BCL11A: variants seen among roughly 807,000 people sequenced by gnomAD.
The protein encoded by BCL11A is BCL11 transcription factor A, also known as B cell CLL/lymphoma 11A.
In BCL11A, 2 loss-of-function variants were observed where a neutral mutation model predicts 55.9. The observed-to-expected ratio is 0.04, with a 90% CI of 0.01 to 0.11. The LOEUF (loss-of-function observed/expected upper bound fraction) is 0.11. Ranked by LOEUF, BCL11A falls within the 10% of genes least tolerant of loss-of-function variation. The pLI is 1.00. For missense variants in BCL11A, 817 were observed against 1,137.1 expected, an observed-to-expected ratio of 0.72 and a Z score of 4.05; for synonymous variants, 465 against 473.4, an observed-to-expected ratio of 0.98 and a Z score of 0.23.
chr2:60,489,449 G>A (rs368295709), intron 2 of BCL11A, among the ~76,000 whole-genome samples: 7 of 152,194 alleles, frequency 4.6e-5, no homozygotes, highest in Non-Finnish European at 8.8e-5. Flanking sequence ...GTAAACACAC[G>A]GCGGCCCTGC....
exon 5 of BCL11A, chr2:60,451,176 A>G (rs976203095): frequency 3.6e-5 from 7 of 197,146 alleles, no homozygotes; most frequent in Non-Finnish European, 6.3e-5. Flanking sequence ...GTAGACAGTC[A>G]TTATTTATTA....
At chr2:60,487,771 C>T (rs1678366708) in intron 2 of BCL11A, among the ~76,000 whole-genome samples, 1 of 152,150 alleles carries the variant, frequency 6.6e-6, no homozygotes, top group South Asian at 2.1e-4. Flanking sequence ...TCTCATCAAC[C>T]ATTCTATCTA....
At chr2:60,540,943 G>A (rs1425103754) in intron 2 of BCL11A, among the ~76,000 whole-genome samples, 1 of 101,398 alleles carries the variant, frequency 9.9e-6, no homozygotes, top group East Asian at 3.8e-4. Flanking sequence ...TACAGCACTG[G>A]TTTTGTGTGT....
intron 2 of BCL11A, among the ~76,000 whole-genome samples, chr2:60,477,600 T>TGAAAGAAAGAAAG (rs1553407506): frequency 9.3e-4 from 140 of 150,668 alleles, no homozygotes; most frequent in Middle Eastern, 6.9e-3. Flanking sequence ...TAGAGTAAAA[T>TGAAAGAAAGAAAG]AAATAAAGAA....
chr2:60,472,816 T>C (rs533014745), intron 2 of BCL11A, among the ~76,000 whole-genome samples: 1 of 152,374 alleles, frequency 6.6e-6, no homozygotes, highest in Non-Finnish European at 1.5e-5. Context: ...TACTGTCTAC[T>C]AATCAACAGG....
chr2:60,498,623 T>C (rs1318055091), intron 2 of BCL11A, among the ~76,000 whole-genome samples: 1 of 152,224 alleles, frequency 6.6e-6, no homozygotes, highest in Non-Finnish European at 1.5e-5. Flanking sequence ...ATAGGCTTAG[T>C]GTGCTGGGCA....
chr2:60,528,849 G>A (rs1196688398), intron 2 of BCL11A, among the ~76,000 whole-genome samples: 1 of 152,228 alleles, frequency 6.6e-6, no homozygotes, highest in Non-Finnish European at 1.5e-5. Flanking sequence ...AGCCCCCGGA[G>A]CGAGTAATGT....
Position 60,458,884 on chromosome 2 carries a change from A to G in BCL11A, c.*1520T>C, listed in dbSNP as rs1390265478. 9.7e-7 allele frequency: 1 copy of G among 1,030,406 alleles called. No homozygotes were observed. The highest frequency in any genetic ancestry group is 6.0e-5 in the East Asian group (1 of 16,596). 63.8% of individuals were successfully genotyped at this position (1,030,406 alleles called of 1,614,324 possible). On this transcript the variant is annotated 3_prime_UTR_variant, in exon 4 of 4. Transcript: ENST00000642384. ...GAAAAAATTAAAAAAATAAAAATAA[A>G]AACAATGAATCCTCTTCCATGTTAA... is the stretch of plus-strand genomic sequence containing the variant.
At position 60,461,888 on chromosome 2, in the gene BCL11A, A is replaced by G; in HGVS notation, c.1024T>C (p.Leu342=). Residue 342 remains leucine, a synonymous_variant, in exon 4 of 4, where the codon TTA becomes CTA. Transcript: ENST00000642384. ...CTACCTGGCTGGAATGGTTGCAGTA[A>G]CCTTTGCATAGGGCTGGGCCGGCCT... is the stretch of plus-strand genomic sequence containing the variant. The part of the protein sequence containing the change: ...SPGRPSPMQR[L]LQPFQPGSKP... The G allele has an allele frequency of 1.2e-6, 2 of 1,614,006 alleles. No homozygotes were observed. The highest frequency in any genetic ancestry group is 2.2e-5 in the South Asian group (2 of 91,086).
At chr2:60,476,186 G>T (rs1020897359) in intron 2 of BCL11A, among the ~76,000 whole-genome samples, 1 of 152,156 alleles carries the variant, frequency 6.6e-6, no homozygotes, top group Non-Finnish European at 1.5e-5. Flanking sequence ...GGCTGGGCTT[G>T]GTCCCCAGGC....
rs1676198516 is a variant in BCL11A at position 60,460,632 on chromosome 2, G to A, written c.2280C>T (p.His760=). 1 of 1,614,052 alleles carries A rather than the reference G, an allele frequency of 6.2e-7. No homozygotes were observed. The highest frequency in any genetic ancestry group is 1.3e-5 in the African/African-American group (1 of 74,956). Reference sequence around the variant, plus strand: ...GCCTTTCGCCCGTGTGGCTTCTCCTGTGGACAGTGAGATTGCTACAGTTCT... The same window carrying A: ...GCCTTTCGCCCGTGTGGCTTCTCCTATGGACAGTGAGATTGCTACAGTTCT... ...VFKNCSNLTV[H]RRSHTGERPY... is the part of the protein sequence containing the mutation. Residue 760 remains histidine, a synonymous_variant, in exon 4 of 4, where the codon CAC becomes CAT. Transcript: ENST00000642384.
At chr2:60,479,624 G>A (rs1357036247) in intron 2 of BCL11A, among the ~76,000 whole-genome samples, 1 of 152,218 alleles carries the variant, frequency 6.6e-6, no homozygotes, top group South Asian at 2.1e-4. Context: ...TGGAGAGTGT[G>A]GACGGCAGGC....
chr2:60,486,159 G>A (rs1572993203), intron 2 of BCL11A, among the ~76,000 whole-genome samples: 1 of 152,204 alleles, frequency 6.6e-6, no homozygotes, highest in South Asian at 2.1e-4. Context: ...AACAGCTGCT[G>A]AAAGGCAAGA....
intron 2 of BCL11A, among the ~76,000 whole-genome samples, chr2:60,530,112 G>A (rs1669380204): frequency 6.6e-6 from 1 of 152,022 alleles, no homozygotes; most frequent in Non-Finnish European, 1.5e-5. Flanking sequence ...ACAGGAAGAG[G>A]CCAAGAAGAT....
At chr2:60,469,319 AG>A (rs911584246) in intron 2 of BCL11A, among the ~76,000 whole-genome samples, 245 of 152,344 alleles carry the variant, frequency 1.6e-3, no homozygotes, top group African/African-American at 5.5e-3. Context: ...TTTATGGGAC[AG>A]AGTCCCACTT....
chr2:60,550,838 G>A, intron 1 of BCL11A: 1 of 398,820 alleles, frequency 2.5e-6, no homozygotes, highest in Non-Finnish European at 4.4e-6. Flanking sequence ...CCCGAGTCCT[G>A]CGAACACTGC....
Position 60,460,057 on chromosome 2 carries a change from A to C in BCL11A, c.*347T>G, listed in dbSNP as rs1572947635. The C allele has an allele frequency of 9.2e-7, 1 of 1,091,618 alleles. No individual in the cohort carries two copies. Among genetic ancestry groups the C allele is most frequent in the South Asian group, 4.3e-5 (1 of 23,068 alleles). The allele number at this position is 1,091,618 out of a possible 1,614,324, so 67.6% of individuals were successfully genotyped here. Reference sequence around the variant, plus strand: ...CATACATGCTGTCTAAGTTTAAAAAAAAACATACACAACATGTAAATTATT... The same window carrying C: ...CATACATGCTGTCTAAGTTTAAAAACAAACATACACAACATGTAAATTATT... On this transcript the variant is annotated 3_prime_UTR_variant, in exon 4 of 4. Transcript: ENST00000642384.
At chr2:60,526,534 A>T (rs1237786697) in intron 2 of BCL11A, 1 of 152,208 alleles carries the variant, frequency 6.6e-6, no homozygotes, top group Non-Finnish European at 1.5e-5. Context: ...GGGTATTTAT[A>T]ATTAGAACTT....
intron 2 of BCL11A, among the ~76,000 whole-genome samples, chr2:60,514,269 C>T (rs558586344): frequency 2.0e-5 from 3 of 152,164 alleles, no homozygotes; most frequent in Non-Finnish European, 4.4e-5. Flanking sequence ...AGGAACACCC[C>T]GGCCACTGGT....
Sources: gnomAD v4.1 joint callset for allele counts (sites outside exome capture counted in the v4.1 genomes callset) on GRCh38, gnomAD v4.1.1 for gene constraint, MANE v1.5 for transcripts, NCBI Gene and HGNC (gene_info 2026-07-23, HGNC 2026-07-21) for gene names.